ADAMTS17: variants seen among roughly 807,000 people sequenced by gnomAD.
ADAMTS17 encodes the protein A disintegrin and metalloproteinase with thrombospondin motifs 17.
In ADAMTS17, 113 loss-of-function variants were observed where a neutral mutation model predicts 141.5. That is an observed-to-expected ratio of 0.80 (90% CI 0.69 to 0.93). ADAMTS17 has a LOEUF of 0.93. Among genes scored for constraint, ADAMTS17 ranks in the 40% least tolerant of loss-of-function variants. The pLI, the probability that ADAMTS17 is intolerant of heterozygous loss-of-function variation, is 0.00. For synonymous variants in ADAMTS17, 768 were observed against 630.6 expected (o/e 1.22, Z -3.27); for missense variants, 1,659 against 1,517.9 (o/e 1.09, Z -1.54).
intron 15 of ADAMTS17, among the ~76,000 whole-genome samples, chr15:100,059,032 C>T (rs1056084872): frequency 6.6e-6 from 1 of 152,206 alleles, no homozygotes; most frequent in African/African-American, 2.4e-5. Flanking sequence ...TTTTGCTATC[C>T]ACCTGGCATC....
At chr15:100,069,559 A>G (rs1211036814) in intron 15 of ADAMTS17, among the ~76,000 whole-genome samples, 1 of 152,234 alleles carries the variant, frequency 6.6e-6, no homozygotes, top group African/African-American at 2.4e-5. Flanking sequence ...CAGAAACTCT[A>G]CAAGCCAGAA....
chr15:100,117,275 G>T (rs967375935), intron 12 of ADAMTS17, among the ~76,000 whole-genome samples: 15 of 150,706 alleles, frequency 1.0e-4, no homozygotes, highest in African/African-American at 3.7e-4. Context: ...TATGAGTTTG[G>T]CAAGATCCAC....
At chr15:100,133,406 CA>C in intron 10 of ADAMTS17, 91 bp from the exon 11 acceptor site, 3 of 1,328,404 alleles carry the variant, frequency 2.3e-6, no homozygotes, top group Non-Finnish European at 1.1e-6. Flanking sequence ...ACCACTGTTT[CA>C]AATTTGGGAT....
chr15:100,159,435 G>C (rs1210790354), intron 8 of ADAMTS17, among the ~76,000 whole-genome samples: 2 of 152,178 alleles, frequency 1.3e-5, no homozygotes, highest in Non-Finnish European at 2.9e-5. Context: ...GGTTTTTCAA[G>C]TATGCTTAGC....
At chr15:99,975,006 G>A (rs1478129041) in intron 21 of ADAMTS17, among the ~76,000 whole-genome samples, 1 of 152,312 alleles carries the variant, frequency 6.6e-6, no homozygotes, top group East Asian at 1.9e-4. Context: ...CAGAGAGAAG[G>A]CCCTGCTCAA....
intron 7 of ADAMTS17, among the ~76,000 whole-genome samples, chr15:100,242,990 G>A (rs759481838): frequency 2.0e-5 from 3 of 152,102 alleles, no homozygotes; most frequent in Admixed American, 6.5e-5. Context: ...CCATGACCGC[G>A]TTCCTCAGCT....
chr15:100,269,664 T>C (rs58580391), intron 4 of ADAMTS17, among the ~76,000 whole-genome samples: 3,551 of 152,134 alleles, frequency 0.023, 129 homozygotes, highest in African/African-American at 0.08. Context: ...GGAGGGACAG[T>C]AGACAGTCAG....
intron 12 of ADAMTS17, among the ~76,000 whole-genome samples, chr15:100,126,659 T>A (rs2037750738): frequency 6.6e-6 from 1 of 152,184 alleles, no homozygotes; most frequent in Non-Finnish European, 1.5e-5. Flanking sequence ...CAGCTTTGTG[T>A]TTCAGTGAAA....
intron 7 of ADAMTS17, among the ~76,000 whole-genome samples, chr15:100,212,807 G>A (rs1398978636): frequency 7.7e-6 from 1 of 130,378 alleles, no homozygotes; most frequent in African/African-American, 2.8e-5. Flanking sequence ...AATGTCACTT[G>A]TAAAAGAGCA....
intron 10 of ADAMTS17, among the ~76,000 whole-genome samples, chr15:100,134,780 C>T (rs371281720): frequency 1.1e-4 from 16 of 152,284 alleles, no homozygotes; most frequent in Admixed American, 4.6e-4. Context: ...TCACGTATGT[C>T]GGAGCTGATC....
chr15:100,001,994 CAAAAAA>C (rs71151931), intron 18 of ADAMTS17, among the ~76,000 whole-genome samples: 35 of 58,372 alleles, frequency 6.0e-4, no homozygotes, highest in Admixed American at 2.2e-3. Context: ...AGGCCAAACC[CAAAAAA>C]AAAAAAAAAA....
At chr15:99,987,001 A>T (rs1379807996) in intron 20 of ADAMTS17, among the ~76,000 whole-genome samples, 1 of 152,178 alleles carries the variant, frequency 6.6e-6, no homozygotes, top group Non-Finnish European at 1.5e-5. Flanking sequence ...CTGCTGGCCA[A>T]GGTCAGGATG....
At chr15:100,330,079 G>A (rs904028078) in intron 3 of ADAMTS17, among the ~76,000 whole-genome samples, 2 of 152,162 alleles carry the variant, frequency 1.3e-5, no homozygotes, top group African/African-American at 4.8e-5. Flanking sequence ...AACTTCATCT[G>A]GGGACATTTG....
At chr15:100,334,442 AGAG>A (rs1288377365) in intron 2 of ADAMTS17, among the ~76,000 whole-genome samples, 1 of 152,148 alleles carries the variant, frequency 6.6e-6, no homozygotes. Flanking sequence ...AGATGGGTTG[AGAG>A]GATAGGGCCA....
chr15:100,288,528 C>T (rs1375803108), intron 3 of ADAMTS17, among the ~76,000 whole-genome samples: 2 of 152,180 alleles, frequency 1.3e-5, no homozygotes, highest in Non-Finnish European at 2.9e-5. Context: ...TAACAGACAA[C>T]TACAAAACTC....
chr15:100,280,451 C>T (rs2044242433), intron 4 of ADAMTS17, among the ~76,000 whole-genome samples: 1 of 152,172 alleles, frequency 6.6e-6, no homozygotes, highest in Non-Finnish European at 1.5e-5. Flanking sequence ...TCCAATCCAT[C>T]CTGCATGCAG....
At chr15:100,044,136 G>A (rs976207687) in intron 18 of ADAMTS17, among the ~76,000 whole-genome samples, 8 of 152,274 alleles carry the variant, frequency 5.3e-5, no homozygotes, top group Admixed American at 1.3e-4. Context: ...CTCTGTTATG[G>A]CACTTTGAAT....
At chr15:100,199,058 G>A (rs1219392174) in intron 8 of ADAMTS17, among the ~76,000 whole-genome samples, 7 of 152,184 alleles carry the variant, frequency 4.6e-5, no homozygotes, top group African/African-American at 1.7e-4. Context: ...CATCCTGAGA[G>A]GAACCTCTTC....
chr15:100,127,904 T>G lies in ADAMTS17; in HGVS notation c.1721+4103A>C, dbSNP rs76351364. 3.6e-4 allele frequency among the ~76,000 whole-genome samples: 55 copies of G among 152,076 alleles called. 1 individual carries two copies. The East Asian group carries it at 9.5e-3, about 26-fold the overall frequency. On this transcript the variant is annotated intron_variant, in intron 12 of 21. Coordinates refer to ENST00000268070, the MANE Select transcript of ADAMTS17 (RefSeq NM_139057.4). ...GCCCCCTGATAAAGTTTTTTTTTTT[T>G]TCTGTACAATGAAGATAAAAATAAT... is the stretch of plus-strand genomic sequence containing the variant.
Sources: allele counts gnomAD v4.1 joint callset (sites outside exome capture counted in the v4.1 genomes callset), GRCh38; gene constraint gnomAD v4.1.1; transcripts MANE v1.5; gene names NCBI Gene and HGNC (gene_info 2026-07-23, HGNC 2026-07-21).